SLA: variants seen among roughly 807,000 people sequenced by gnomAD.
The protein encoded by SLA is Src like adaptor.
A neutral mutation model predicts 30.3 loss-of-function variants in SLA; 16 were observed. The ratio of observed to expected loss-of-function variants is 0.53; its 90% CI spans 0.36 to 0.80. SLA has a LOEUF of 0.80. Ranked by LOEUF, SLA falls within the 30% of genes least tolerant of loss-of-function variation. SLA has a pLI of 0.01. For synonymous variants in SLA, 143 were observed against 137.8 expected, an observed-to-expected ratio of 1.04 and a Z score of -0.26; for missense variants, 310 against 345.2, an observed-to-expected ratio of 0.90 and a Z score of 0.81.
At chr8:133,047,660 G>T (rs1417271559) in intron 6 of SLA, 170 bp downstream of exon 6, 2 of 633,988 alleles carry the variant, frequency 3.2e-6, no homozygotes, top group Non-Finnish European at 5.8e-6. Context: ...TAGTCCCCTT[G>T]CTTCCCCACT....
At chr8:133,067,607 C>G (rs1843210079) in intron 2 of SLA, among the ~76,000 whole-genome samples, 1 of 152,072 alleles carries the variant, frequency 6.6e-6, no homozygotes, top group South Asian at 2.1e-4. Context: ...GAAACCCTAT[C>G]TCTACTAAAA....
At chr8:133,080,193 A>G (rs1790010453) in intron 1 of SLA, among the ~76,000 whole-genome samples, 1 of 152,204 alleles carries the variant, frequency 6.6e-6, no homozygotes, top group Non-Finnish European at 1.5e-5. Flanking sequence ...AACTGGTACA[A>G]AAGTTTGGGG....
intron 1 of SLA, among the ~76,000 whole-genome samples, chr8:133,076,960 A>G (rs933349360): frequency 3.9e-5 from 6 of 152,148 alleles, no homozygotes; most frequent in East Asian, 1.9e-4. Context: ...GAGGAGTCCT[A>G]TGGGAAAGAC....
intron 7 of SLA, among the ~76,000 whole-genome samples, chr8:133,041,446 G>A (rs1214708757): frequency 6.6e-6 from 1 of 152,226 alleles, no homozygotes; most frequent in Non-Finnish European, 1.5e-5. Flanking sequence ...GGTGCCCTTG[G>A]AGAAATGGGA....
At chr8:133,078,730 A>G (rs1171048103) in intron 1 of SLA, among the ~76,000 whole-genome samples, 1 of 152,232 alleles carries the variant, frequency 6.6e-6, no homozygotes, top group Non-Finnish European at 1.5e-5. Flanking sequence ...CCAGAACAAA[A>G]CAATGTTCAT....
At chr8:133,098,589 CT>C (rs908857579) in intron 1 of SLA, among the ~76,000 whole-genome samples, 19 of 152,330 alleles carry the variant, frequency 1.2e-4, no homozygotes, top group African/African-American at 4.3e-4. Flanking sequence ...GTACTGAAAA[CT>C]TTTCATGGCC....
intron 1 of SLA, chr8:133,096,453 G>GTC: frequency 6.4e-7 from 1 of 1,556,516 alleles, no homozygotes; most frequent in Non-Finnish European, 8.8e-7. Context: ...ACTTGATCAA[G>GTC]AGATATTGAC....
rs1837245405 is a variant in SLA, at chr8:133,037,098, G to C, written c.*1426C>G. 6.6e-6 allele frequency: 1 copy of C among 152,236 alleles called. No homozygotes were observed. Among genetic ancestry groups the C allele is most frequent in the Non-Finnish European group, 1.5e-5 (1 of 68,052 alleles). The allele number at this position is 152,236 out of a possible 1,614,324, so 9.4% of individuals were successfully genotyped here. A position where few individuals can be genotyped will look rare whatever the true frequency, so the allele number is the denominator to read the frequency against. ...ACATACCAGTAGCACGATGAGCTCA[G>C]ATGGACGGAATGCTTATGTGAGCAG... On this transcript the variant is annotated 3_prime_UTR_variant, in exon 9 of 9. Coordinates refer to ENST00000338087, the MANE Select transcript of SLA (RefSeq NM_001045556.3).
intron 2 of SLA, among the ~76,000 whole-genome samples, chr8:133,061,716 C>T (rs533800412): frequency 6.6e-6 from 1 of 152,294 alleles, no homozygotes; most frequent in South Asian, 2.1e-4. Flanking sequence ...AGCTCAGGAT[C>T]AAACCTTATG....
At chr8:133,040,589 G>C (rs1176073411) in intron 7 of SLA, among the ~76,000 whole-genome samples, 1 of 152,104 alleles carries the variant, frequency 6.6e-6, no homozygotes, top group African/African-American at 2.4e-5. Flanking sequence ...ATACAGCGCT[G>C]ATCCCCCCAG....
At chr8:133,040,389 C>A in intron 7 of SLA, 1 of 437,858 alleles carries the variant, frequency 2.3e-6, no homozygotes, top group Non-Finnish European at 4.1e-6. Flanking sequence ...CCAGTATCAA[C>A]CAAGCTTGGG....
At position 133,098,328 on chromosome 8, in the gene SLA, C is replaced by A. The variant is rs116099051; in HGVS notation, c.-319+4225G>T. Reference sequence around the variant, plus strand: ...ACTAATACCCTGAATTATTATAAACCCTTTATTGAATCAAAAGAATGTTAA... The same window carrying A: ...ACTAATACCCTGAATTATTATAAACACTTTATTGAATCAAAAGAATGTTAA... On this transcript the variant is annotated intron_variant, in intron 1 of 8. Transcript: ENST00000338087. 8.5e-3 allele frequency among the ~76,000 whole-genome samples: 1,299 copies of A among 152,186 alleles called. 18 individuals are homozygous for A. Among genetic ancestry groups the A allele is most frequent in the African/African-American group, 0.03 (1,233 of 41,512 alleles).
chr8:133,094,455 T>C (rs899153501), intron 1 of SLA, among the ~76,000 whole-genome samples: 1 of 152,054 alleles, frequency 6.6e-6, no homozygotes, highest in African/African-American at 2.4e-5. Flanking sequence ...TTAGCCAGGA[T>C]GGTCTCGATC....
intron 7 of SLA, 196 bp from the exon 8 acceptor site, chr8:133,040,326 C>CGA: frequency 1.6e-6 from 1 of 608,162 alleles, no homozygotes; most frequent in Non-Finnish European, 2.9e-6. Flanking sequence ...TGTAAGCGTG[C>CGA]CCTGGTATAC....
At chr8:133,097,607 A>T (rs890964038) in intron 1 of SLA, among the ~76,000 whole-genome samples, 5 of 152,190 alleles carry the variant, frequency 3.3e-5, no homozygotes, top group Admixed American at 2.6e-4. Flanking sequence ...TTAAAAACCA[A>T]CCTGTATATA....
chr8:133,044,329 C>A (rs1294105539), intron 7 of SLA, among the ~76,000 whole-genome samples: 3 of 152,158 alleles, frequency 2.0e-5, no homozygotes, highest in African/African-American at 7.2e-5. Context: ...ATGATGCTTG[C>A]TTTATCTCAG....
At chr8:133,095,823 T>C (rs1848316563) in intron 1 of SLA, among the ~76,000 whole-genome samples, 1 of 152,182 alleles carries the variant, frequency 6.6e-6, no homozygotes, top group Non-Finnish European at 1.5e-5. Context: ...TATTCTCAGC[T>C]CCCCTAAGTG....
chr8:133,037,063 CT>C lies in SLA; in HGVS notation c.*1460del, dbSNP rs1461026502. 1 of 152,204 alleles carries C rather than the reference CT, an allele frequency of 6.6e-6. No homozygotes were observed. The highest frequency in any genetic ancestry group is 1.5e-5 in the Non-Finnish European group (1 of 68,034). 9.4% of individuals were successfully genotyped at this position (152,204 alleles called of 1,614,324 possible). A position where few individuals can be genotyped will look rare whatever the true frequency, so the allele number is the denominator to read the frequency against. On this transcript the variant is annotated 3_prime_UTR_variant, in exon 9 of 9. Transcript: ENST00000338087. ...ATCTATGATACAGAAAACTGTGTAACTGCACATACACATACCAGTAGCACGA... is the reference window on the plus strand; with the variant it reads ...ATCTATGATACAGAAAACTGTGTAACGCACATACACATACCAGTAGCACGA...
chr8:133,063,267 C>CA (rs1842637862), intron 2 of SLA, among the ~76,000 whole-genome samples: 1 of 151,800 alleles, frequency 6.6e-6, no homozygotes, highest in South Asian at 2.1e-4. Flanking sequence ...AGGGTGCCCC[C>CA]AGCCCTGCCA....
Sources: allele counts gnomAD v4.1 joint callset (sites outside exome capture counted in the v4.1 genomes callset), GRCh38; gene constraint gnomAD v4.1.1; transcripts MANE v1.5; gene names NCBI Gene and HGNC (gene_info 2026-07-23, HGNC 2026-07-21).